The following MYO3A variants were observed in gnomAD, a reference collection of about 807,000 sequenced individuals.
MYO3A encodes myosin-IIIa.
Under a neutral mutation model 192.7 loss-of-function variants are expected in MYO3A, and 180 were observed. The observed-to-expected ratio is 0.93, with a 90% confidence interval of 0.83 to 1.06. The LOEUF (loss-of-function observed/expected upper bound fraction) is 1.06, where lower values mean the gene tolerates loss of function less well. MYO3A is among the 50% of genes least tolerant of loss of function. MYO3A has a pLI of 0.00. For missense variants in MYO3A, 1,896 were observed against 1,905.0 expected, an observed-to-expected ratio of 1.00 and a Z score of 0.09; for synonymous variants, 628 against 645.3, an observed-to-expected ratio of 0.97 and a Z score of 0.41.
intron 10 of MYO3A, among the ~76,000 whole-genome samples, chr10:26,036,957 A>G (rs1843072026): frequency 6.6e-6 from 1 of 152,224 alleles, no homozygotes; most frequent in Non-Finnish European, 1.5e-5. Context: ...CTCTGTGGTC[A>G]TACATCACTT....
At chr10:26,098,776 TG>T (rs1262814114) in intron 17 of MYO3A, among the ~76,000 whole-genome samples, 1 of 152,228 alleles carries the variant, frequency 6.6e-6, no homozygotes, top group African/African-American at 2.4e-5. Context: ...TCTACATCTC[TG>T]TTTTGGTACC....
chr10:26,114,506 G>A (rs1474103497), intron 17 of MYO3A, among the ~76,000 whole-genome samples: 1 of 152,124 alleles, frequency 6.6e-6, no homozygotes, highest in East Asian at 1.9e-4. Context: ...GGCTTAGTGA[G>A]ATCTTTTTGT....
chr10:25,962,596 C>T (rs1344765386), intron 4 of MYO3A, among the ~76,000 whole-genome samples: 1 of 152,134 alleles, frequency 6.6e-6, no homozygotes, highest in East Asian at 1.9e-4. Context: ...ATATTCCTTT[C>T]TGCCTGTTGC....
At chr10:26,141,545 A>G (rs1219948226) in intron 20 of MYO3A, among the ~76,000 whole-genome samples, 1 of 152,220 alleles carries the variant, frequency 6.6e-6, no homozygotes, top group Non-Finnish European at 1.5e-5. Flanking sequence ...ACAGGCAAAT[A>G]GAAATGACAA....
intron 4 of MYO3A, among the ~76,000 whole-genome samples, chr10:25,973,004 G>A (rs372788520): frequency 1.3e-5 from 2 of 152,096 alleles, no homozygotes; most frequent in East Asian, 1.9e-4. Flanking sequence ...AATTCTATTT[G>A]CTAATTCTGT....
At chr10:26,059,191 C>A (rs2131329961) in intron 10 of MYO3A, among the ~76,000 whole-genome samples, 1 of 123,914 alleles carries the variant, frequency 8.1e-6, no homozygotes, top group African/African-American at 2.7e-5. Context: ...ATTTTTTGGT[C>A]TTATTGCATT....
At chr10:26,163,693 C>T (rs1214489009) in intron 26 of MYO3A, among the ~76,000 whole-genome samples, 1 of 152,020 alleles carries the variant, frequency 6.6e-6, no homozygotes, top group Non-Finnish European at 1.5e-5. Context: ...TTAAAGTTAA[C>T]CAGGTGGGCA....
At chr10:26,021,889 A>T (rs1437682383) in intron 8 of MYO3A, 4 of 519,444 alleles carry the variant, frequency 7.7e-6, no homozygotes, top group Non-Finnish European at 1.4e-5. Context: ...TTTTGCTAGG[A>T]TTTGATTTCA....
At chr10:26,067,872 T>C (rs1351015411) in intron 11 of MYO3A, among the ~76,000 whole-genome samples, 1 of 152,036 alleles carries the variant, frequency 6.6e-6, no homozygotes, top group Non-Finnish European at 1.5e-5. Flanking sequence ...TGCCTGAGCA[T>C]TTGACTCAGA....
chr10:26,133,927 T>C (rs1245475249), intron 20 of MYO3A, among the ~76,000 whole-genome samples: 1 of 152,052 alleles, frequency 6.6e-6, no homozygotes, highest in Non-Finnish European at 1.5e-5. Context: ...AATGGAAAAA[T>C]AGTTTAAGGT....
chr10:26,036,677 G>A (rs983615539), intron 10 of MYO3A, among the ~76,000 whole-genome samples: 1 of 152,126 alleles, frequency 6.6e-6, no homozygotes, highest in African/African-American at 2.4e-5. Context: ...ATCACAAGTT[G>A]CCGATGACAG....
At chr10:26,046,779 A>T (rs144767565) in intron 10 of MYO3A, among the ~76,000 whole-genome samples, 2 of 152,248 alleles carry the variant, frequency 1.3e-5, no homozygotes, top group Non-Finnish European at 2.9e-5. Context: ...TTCAGTAAAT[A>T]TATACAAGGA....
chr10:26,078,955 C>G (rs1440593021), intron 14 of MYO3A, among the ~76,000 whole-genome samples: 1 of 152,050 alleles, frequency 6.6e-6, no homozygotes, highest in Non-Finnish European at 1.5e-5. Context: ...GGAGAAAGTT[C>G]CATGCACTGT....
At chr10:26,078,042 C>G (rs1305746311) in intron 14 of MYO3A, among the ~76,000 whole-genome samples, 3 of 150,718 alleles carry the variant, frequency 2.0e-5, no homozygotes, top group Non-Finnish European at 4.4e-5. Flanking sequence ...CCTTCTTTCT[C>G]TATCTTGTGG....
At chr10:25,970,056 TGTGTCA>T (rs552291198) in intron 4 of MYO3A, among the ~76,000 whole-genome samples, 270 of 152,214 alleles carry the variant, frequency 1.8e-3, no homozygotes, top group African/African-American at 6.4e-3. Flanking sequence ...TAAAATTATA[TGTGTCA>T]AAAACTAAGA....
intron 4 of MYO3A, among the ~76,000 whole-genome samples, chr10:25,977,238 T>A (rs546873104): frequency 3.9e-5 from 6 of 152,228 alleles, no homozygotes; most frequent in Non-Finnish European, 8.8e-5. Flanking sequence ...CATGTTTGTC[T>A]ATTCACTTCC....
In MYO3A at chr10:26,130,782, C is replaced by T. The variant is rs186658833; in HGVS notation, c.2262+2244C>T. On this transcript the variant is annotated intron_variant, in intron 20 of 34. Transcript: ENST00000642920. ...GTCAATGACTCTCTTGATTTTAACA[C>T]GTGAGTGTACTTGTTTTTTCTTTCT... 1.1e-4 allele frequency among the ~76,000 whole-genome samples: 16 copies of T among 152,268 alleles called. No homozygotes were observed. The East Asian group carries it at 2.1e-3, about 20-fold the overall frequency.
rs200683832 is a variant in MYO3A at position 26,176,721 on chromosome 10, A to G, written c.4314A>G (p.Glu1438=). The change falls in exon 31 of 35, where the codon GAA becomes GAG. Residue 1438 remains glutamate (E), a synonymous_variant. Transcript: ENST00000642920. ...TTTAGATATCAAAGTTATCTGAAGA[A>G]TATTTCATTCTGCAGAAAAAATTGA... is the stretch of plus-strand genomic sequence containing the variant. ...FSKQISKLSE[E]YFILQKKLNE... 2 of 1,610,092 alleles carry G rather than the reference A, an allele frequency of 1.2e-6. No individual in the cohort carries two copies. The highest frequency in any genetic ancestry group is 2.7e-5 in the African/African-American group (2 of 74,838).
chr10:26,061,813 C>T (rs1391847463), intron 10 of MYO3A, among the ~76,000 whole-genome samples: 1 of 152,034 alleles, frequency 6.6e-6, no homozygotes, highest in Non-Finnish European at 1.5e-5. Context: ...CACTCCCTAT[C>T]GTTCTCCAGT....
Sources: gnomAD v4.1 joint callset for allele counts (sites outside exome capture counted in the v4.1 genomes callset) on GRCh38, gnomAD v4.1.1 for gene constraint, MANE v1.5 for transcripts, NCBI Gene and HGNC (gene_info 2026-07-23, HGNC 2026-07-21) for gene names.